The following CHLSN variants were observed in gnomAD, a reference collection of about 807,000 sequenced individuals.
CHLSN encodes the protein protein cholesin.
the CHLSN span, among the ~76,000 whole-genome samples, chr7:981,988 C>G: frequency 1.3e-5 from 2 of 152,160 alleles, no homozygotes; most frequent in African/African-American, 4.8e-5. Context: ...AGCCTGTACT[C>G]ACAGCACGGT....
the CHLSN span, among the ~76,000 whole-genome samples, chr7:1,115,529 ATG>A: frequency 4.0e-5 from 6 of 149,022 alleles, no homozygotes; most frequent in South Asian, 4.3e-4. Flanking sequence ...ACCAACGCCC[ATG>A]CAGGATGACA....
At chr7:1,026,766 T>G in the CHLSN span, 34 of 152,332 alleles carry the variant, frequency 2.2e-4, no homozygotes, top group Non-Finnish European at 4.4e-4. Flanking sequence ...AAGGCGAGGC[T>G]CCCGTAGTGC....
the CHLSN span, among the ~76,000 whole-genome samples, chr7:1,063,690 G>C: frequency 1.3e-5 from 2 of 152,238 alleles, no homozygotes; most frequent in African/African-American, 4.8e-5. Context: ...GGTATTTTGT[G>C]CCAAGCCAGG....
At chr7:1,009,012 CACAT>C in the CHLSN span, among the ~76,000 whole-genome samples, 8 of 131,940 alleles carry the variant, frequency 6.1e-5, no homozygotes, top group East Asian at 2.1e-4. Flanking sequence ...CACACACACA[CACAT>C]ACACATGCAC....
At chr7:1,127,846 G>T in the CHLSN span, among the ~76,000 whole-genome samples, 5 of 86,120 alleles carry the variant, frequency 5.8e-5, 1 homozygote, top group Non-Finnish European at 1.1e-4. Flanking sequence ...CACAATCTCG[G>T]CTCATCCCAC....
the CHLSN span, chr7:988,774 T>C: frequency 6.3e-7 from 1 of 1,597,764 alleles, no homozygotes. Context: ...CCCGGGCTTT[T>C]ACCATGAGGC....
the CHLSN span, chr7:1,093,105 G>A: frequency 7.6e-6 from 5 of 661,092 alleles, no homozygotes; most frequent in Non-Finnish European, 8.5e-6. Flanking sequence ...AGGGTCCAAA[G>A]GCCAGCGGTG....
At chr7:1,119,552 A>G in the CHLSN span, among the ~76,000 whole-genome samples, 1 of 152,222 alleles carries the variant, frequency 6.6e-6, no homozygotes, top group Non-Finnish European at 1.5e-5. Flanking sequence ...AGAAGGTCAC[A>G]TATCACAGTG....
the CHLSN span, among the ~76,000 whole-genome samples, chr7:1,112,677 G>A: frequency 2.0e-5 from 3 of 147,402 alleles, no homozygotes; most frequent in East Asian, 2.0e-4. Flanking sequence ...TGTCCTCTTC[G>A]AAACGGGAGT....
chr7:987,260 C>G, the CHLSN span: 4 of 1,507,324 alleles, frequency 2.7e-6, no homozygotes, highest in African/African-American at 5.5e-5. Flanking sequence ...GACCCCGGCG[C>G]CTGGCGAGAC....
At chr7:1,106,375 G>T in the CHLSN span, among the ~76,000 whole-genome samples, 63 of 152,298 alleles carry the variant, frequency 4.1e-4, no homozygotes, top group African/African-American at 1.4e-3. Context: ...GCTTCTGAGG[G>T]CCCCTGTGTT....
chr7:1,089,006 C>A, the CHLSN span, among the ~76,000 whole-genome samples: 41 of 152,236 alleles, frequency 2.7e-4, no homozygotes, highest in African/African-American at 9.9e-4. Flanking sequence ...CCTTGGAGTT[C>A]ATTTAACAAA....
the CHLSN span, among the ~76,000 whole-genome samples, chr7:1,095,522 G>A: frequency 0.017 from 2,603 of 152,288 alleles, 92 homozygotes; most frequent in East Asian, 0.17. Flanking sequence ...ACACAGTCCC[G>A]TTCACATAGC....
At chr7:1,020,904 G>C in the CHLSN span, among the ~76,000 whole-genome samples, 480 of 152,320 alleles carry the variant, frequency 3.2e-3, 7 homozygotes, top group Admixed American at 0.026. Flanking sequence ...AGCAGAGCTG[G>C]GGACTGGGGT....
the CHLSN span, among the ~76,000 whole-genome samples, chr7:1,038,308 G>A: frequency 4.0e-5 from 4 of 99,362 alleles, no homozygotes; most frequent in African/African-American, 1.5e-4. Context: ...GGAGGTGGGG[G>A]GGTCAGCCCC....
chr7:987,646 C>T, the CHLSN span: 85 of 1,049,432 alleles, frequency 8.1e-5, no homozygotes, highest in Non-Finnish European at 1.1e-4. Context: ...CAGCGCTCCC[C>T]GACCGGAGGC....
At chr7:1,040,266 G>C in the CHLSN span, among the ~76,000 whole-genome samples, 1 of 151,406 alleles carries the variant, frequency 6.6e-6, no homozygotes, top group Non-Finnish European at 1.5e-5. Flanking sequence ...TGAGGTGGGA[G>C]GATTGCTTGA....
chr7:984,360 G>GC, the CHLSN span: 43 of 1,408,434 alleles, frequency 3.1e-5, no homozygotes, highest in Admixed American at 7.3e-4. Flanking sequence ...GGGGACCTAA[G>GC]GGGGGTCTTG....
the CHLSN span, among the ~76,000 whole-genome samples, chr7:1,083,420 C>T: frequency 6.6e-6 from 1 of 151,726 alleles, no homozygotes; most frequent in African/African-American, 2.4e-5. Flanking sequence ...GTCAGGAGAT[C>T]GAGACCATCC....
Sources: allele counts gnomAD v4.1 joint callset (sites outside exome capture counted in the v4.1 genomes callset), GRCh38; gene constraint gnomAD v4.1.1; transcripts MANE v1.5; gene names NCBI Gene and HGNC (gene_info 2026-07-23, HGNC 2026-07-21).